Variants in DOK6 observed in about 807,000 individuals in gnomAD.
The protein encoded by DOK6 is docking protein 6.
DOK6 carries 22 observed loss-of-function variants against 44.0 expected under a neutral mutation model. The ratio of observed to expected loss-of-function variants is 0.50; its 90% confidence interval spans 0.36 to 0.71. The LOEUF (loss-of-function observed/expected upper bound fraction) is 0.71. DOK6 is among the 30% of genes least tolerant of loss of function. DOK6 has a pLI of 0.00. For missense variants in DOK6, 340 were observed against 416.4 expected (o/e 0.82, Z 1.60); for synonymous variants, 166 against 145.5 (o/e 1.14, Z -1.01).
At chr18:69,818,747 G>A (rs1414234401) in intron 7 of DOK6, among the ~76,000 whole-genome samples, 1 of 152,196 alleles carries the variant, frequency 6.6e-6, no homozygotes, top group Non-Finnish European at 1.5e-5. Flanking sequence ...CCGTGACACT[G>A]CTGAAGGCTA....
At position 69,846,873 on chromosome 18, in the gene DOK6, T is replaced by G. The variant is rs1159441886; in HGVS notation, c.*5490T>G. 1 of 152,178 alleles carries G rather than the reference T, an allele frequency of 6.6e-6. No homozygotes were observed. The highest frequency in any genetic ancestry group is 1.5e-5 in the Non-Finnish European group (1 of 68,026). The allele number at this position is 152,178 out of a possible 1,614,324, so 9.4% of individuals were successfully genotyped here. A position where few individuals can be genotyped will look rare whatever the true frequency, so the allele number is the denominator to read the frequency against. ...ATCAACAAGAATTGGGGAAATGACT[T>G]TTTTACATTATAATACCTTATATAT... On this transcript the variant is annotated 3_prime_UTR_variant, in exon 8 of 8. Coordinates refer to ENST00000382713, the MANE Select transcript of DOK6 (RefSeq NM_152721.6).
At chr18:69,429,881 T>C (rs1276342323) in intron 1 of DOK6, among the ~76,000 whole-genome samples, 1 of 151,930 alleles carries the variant, frequency 6.6e-6, no homozygotes, top group Non-Finnish European at 1.5e-5. Flanking sequence ...ATAAATTGGT[T>C]AAACTATTCA....
chr18:69,411,837 G>C (rs923622593), intron 1 of DOK6, among the ~76,000 whole-genome samples: 1 of 152,042 alleles, frequency 6.6e-6, no homozygotes, highest in African/African-American at 2.4e-5. Flanking sequence ...TATTTGGCAA[G>C]TAATTACTAC....
At chr18:69,798,067 A>G (rs567137987) in intron 7 of DOK6, among the ~76,000 whole-genome samples, 1 of 152,266 alleles carries the variant, frequency 6.6e-6, no homozygotes, top group East Asian at 1.9e-4. Context: ...GTGCAACAGC[A>G]AATCTAGTCT....
chr18:69,780,837 T>C (rs1039206399), intron 7 of DOK6, among the ~76,000 whole-genome samples: 1 of 152,208 alleles, frequency 6.6e-6, no homozygotes, highest in African/African-American at 2.4e-5. Context: ...TGTCTGAAGG[T>C]ACACAGGATG....
chr18:69,571,365 G>A (rs917631216), intron 2 of DOK6, among the ~76,000 whole-genome samples: 4 of 151,852 alleles, frequency 2.6e-5, no homozygotes, highest in Non-Finnish European at 5.9e-5. Context: ...TGTAAACAAA[G>A]AAGAAAATAG....
intron 6 of DOK6, among the ~76,000 whole-genome samples, chr18:69,750,275 G>C (rs1464349844): frequency 6.6e-6 from 1 of 151,768 alleles, no homozygotes; most frequent in Non-Finnish European, 1.5e-5. Flanking sequence ...CATTAGGCCT[G>C]GGCAGAACTT....
At position 69,614,024 on chromosome 18, in the gene DOK6, C is replaced by A. The variant is rs890182180; in HGVS notation, c.289+14526C>A. On this transcript the variant is annotated intron_variant, in intron 3 of 7. Coordinates refer to ENST00000382713, the MANE Select transcript of DOK6 (RefSeq NM_152721.6). ...TTTTAAGTTTTCTGAGTATTATTAC[C>A]TCATACCTGAAATACCTGGTTATCA... is the stretch of plus-strand genomic sequence containing the variant. Among the ~76,000 whole-genome samples, 4 of 146,264 alleles carry A rather than the reference C, an allele frequency of 2.7e-5. No individual in the cohort carries two copies. The Admixed American group carries it at 2.7e-4, about 10-fold the overall frequency.
intron 5 of DOK6, among the ~76,000 whole-genome samples, chr18:69,719,148 A>G (rs1986949476): frequency 6.6e-6 from 1 of 152,242 alleles, no homozygotes; most frequent in African/African-American, 2.4e-5. Flanking sequence ...AAATGGAAGG[A>G]CAGGAGATGT....
At chr18:69,485,764 A>G (rs928177805) in intron 1 of DOK6, among the ~76,000 whole-genome samples, 7 of 152,138 alleles carry the variant, frequency 4.6e-5, no homozygotes, top group African/African-American at 1.7e-4. Flanking sequence ...CATTCTAGTA[A>G]GAAGAAAATT....
At chr18:69,808,764 CA>C (rs1406357134) in intron 7 of DOK6, among the ~76,000 whole-genome samples, 2 of 151,710 alleles carry the variant, frequency 1.3e-5, no homozygotes, top group African/African-American at 4.8e-5. Flanking sequence ...GTGAACAGAA[CA>C]ATAACAAGTA....
chr18:69,653,791 C>T (rs903493902), intron 3 of DOK6, among the ~76,000 whole-genome samples: 1 of 152,160 alleles, frequency 6.6e-6, no homozygotes, highest in Non-Finnish European at 1.5e-5. Flanking sequence ...AGATAAACAT[C>T]ATTGAGATCC....
At chr18:69,689,321 A>G (rs1012317895) in intron 4 of DOK6, among the ~76,000 whole-genome samples, 1 of 152,234 alleles carries the variant, frequency 6.6e-6, no homozygotes, top group South Asian at 2.1e-4. Context: ...TATATTTCAC[A>G]ATATAGTTCA....
At chr18:69,557,290 T>C (rs1468027672) in intron 1 of DOK6, among the ~76,000 whole-genome samples, 2 of 152,166 alleles carry the variant, frequency 1.3e-5, no homozygotes, top group Non-Finnish European at 2.9e-5. Flanking sequence ...GCAGAGTTCA[T>C]TGGGTCAACA....
chr18:69,473,447 G>C (rs1240736159), intron 1 of DOK6, among the ~76,000 whole-genome samples: 2 of 152,140 alleles, frequency 1.3e-5, no homozygotes, highest in African/African-American at 4.8e-5. Flanking sequence ...TATTCCCCCA[G>C]TAGCTAGAGT....
chr18:69,484,891 A>G (rs1265076506), intron 1 of DOK6, among the ~76,000 whole-genome samples: 1 of 152,046 alleles, frequency 6.6e-6, no homozygotes, highest in African/African-American at 2.4e-5. Flanking sequence ...AATAAATAGA[A>G]CTCTGGAAAA....
intron 3 of DOK6, among the ~76,000 whole-genome samples, chr18:69,617,613 A>C (rs1984329542): frequency 6.7e-6 from 1 of 150,188 alleles, no homozygotes; most frequent in East Asian, 1.9e-4. Context: ...GCGATAGGAG[A>C]AAAGAAAGAA....
At chr18:69,407,714 A>G (rs1194930022) in intron 1 of DOK6, among the ~76,000 whole-genome samples, 3 of 152,250 alleles carry the variant, frequency 2.0e-5, no homozygotes, top group African/African-American at 4.8e-5. Flanking sequence ...AGCAGAAATT[A>G]ATAAAGAAAA....
At position 69,672,696 on chromosome 18, in the gene DOK6, T is replaced by TA. The variant is rs1175973597; in HGVS notation, c.290-5027dup. Among the ~76,000 whole-genome samples, 160 of 27,496 alleles carry TA rather than the reference T, an allele frequency of 5.8e-3. 3 individuals carry two copies. The East Asian group carries it at 0.11, about 18-fold the overall frequency. 18.0% of individuals were successfully genotyped at this position (27,496 alleles called of 152,430 possible). ...AACTGGTTTCTTGTCTTCCCACTATTAAAAAAAAAAAGGGGGGGGTGGGGG... is the reference window on the plus strand; with the variant it reads ...AACTGGTTTCTTGTCTTCCCACTATTAAAAAAAAAAAAGGGGGGGGTGGGGG... On this transcript the variant is annotated intron_variant, in intron 3 of 7. Coordinates refer to ENST00000382713, the MANE Select transcript of DOK6 (RefSeq NM_152721.6).
Sources: allele counts gnomAD v4.1 joint callset (sites outside exome capture counted in the v4.1 genomes callset), GRCh38; gene constraint gnomAD v4.1.1; transcripts MANE v1.5; gene names NCBI Gene and HGNC (gene_info 2026-07-23, HGNC 2026-07-21).